Variants in ONECUT2 observed in about 807,000 individuals in gnomAD.
ONECUT2 encodes the protein one cut domain family member 2.
A neutral mutation model predicts 27.9 loss-of-function variants in ONECUT2; 10 were observed. The ratio of observed to expected loss-of-function variants is 0.36; its 90% CI spans 0.22 to 0.61. The LOEUF is 0.61. Ranked by LOEUF, ONECUT2 falls within the 20% of genes least tolerant of loss-of-function variation. The probability of loss-of-function intolerance (pLI) is 0.73; values close to 1 mark genes in which losing one functional copy is unlikely to be tolerated. For missense variants in ONECUT2, 686 were observed against 721.0 expected (o/e 0.95, Z 0.56); for synonymous variants, 334 against 315.1 (o/e 1.06, Z -0.64).
intron 1 of ONECUT2, among the ~76,000 whole-genome samples, chr18:57,451,183 TA>T (rs2050228252): frequency 6.6e-6 from 1 of 152,276 alleles, no homozygotes; most frequent in Non-Finnish European, 1.5e-5. Context: ...ACGTTCATAT[TA>T]CATGAGTAAC....
chr18:57,474,113 GA>G (rs1468621000), intron 1 of ONECUT2, among the ~76,000 whole-genome samples: 5 of 152,174 alleles, frequency 3.3e-5, no homozygotes, highest in African/African-American at 1.2e-4. Flanking sequence ...AATACTTTTA[GA>G]AATGAGAGAA....
intron 1 of ONECUT2, among the ~76,000 whole-genome samples, chr18:57,441,897 A>C (rs938581194): frequency 2.6e-5 from 4 of 152,210 alleles, no homozygotes; most frequent in African/African-American, 9.6e-5. Flanking sequence ...CGGGTCTAAC[A>C]GGGAGAATCT....
chr18:57,463,721 T>C (rs1192182536), intron 1 of ONECUT2, among the ~76,000 whole-genome samples: 2 of 152,220 alleles, frequency 1.3e-5, no homozygotes, highest in African/African-American at 2.4e-5. Context: ...CTTGATGTTT[T>C]GATCCTATTG....
intron 1 of ONECUT2, among the ~76,000 whole-genome samples, chr18:57,474,220 C>T (rs2050369416): frequency 1.3e-5 from 2 of 152,196 alleles, no homozygotes; most frequent in Admixed American, 1.3e-4. Context: ...AGTATCAGTG[C>T]ATTTTGATTA....
chr18:57,461,791 TGTGG>T (rs2050293437), intron 1 of ONECUT2, among the ~76,000 whole-genome samples: 4 of 152,228 alleles, frequency 2.6e-5, no homozygotes, highest in Middle Eastern at 3.2e-3. Context: ...CTGCACTGCA[TGTGG>T]GCAGGGCAGG....
chr18:57,440,790 C>T (rs938566173), intron 1 of ONECUT2, among the ~76,000 whole-genome samples: 2 of 152,212 alleles, frequency 1.3e-5, no homozygotes, highest in African/African-American at 4.8e-5. Flanking sequence ...CAGAGTCTCG[C>T]GCCCACCCCC....
rs1189959500 is a variant in ONECUT2, at chr18:57,490,985, G to T, written c.*14262G>T. ...CCAGATATTGCCCCATCTCAAACAT[G>T]TTAAGTCAGACTGTGCTGAAAGACT... On this transcript the variant is annotated 3_prime_UTR_variant, in exon 2 of 2. Coordinates refer to ENST00000491143, the MANE Select transcript of ONECUT2 (RefSeq NM_004852.3). 3 of 152,606 alleles carry T rather than the reference G, an allele frequency of 2.0e-5. No individual in the cohort carries two copies. The highest frequency in any genetic ancestry group is 4.4e-5 in the Non-Finnish European group (3 of 68,054). The allele number at this position is 152,606 out of a possible 1,614,324, so 9.5% of individuals were successfully genotyped here.
At chr18:57,459,880 CT>C (rs1415638348) in intron 1 of ONECUT2, among the ~76,000 whole-genome samples, 1 of 150,374 alleles carries the variant, frequency 6.7e-6, no homozygotes, top group Non-Finnish European at 1.5e-5. Context: ...TTTTGTTGCT[CT>C]TCCTTTACTT....
chr18:57,462,564 A>G lies in ONECUT2; in HGVS notation c.1229-13873A>G, dbSNP rs1303714216. Among the ~76,000 whole-genome samples, 5 of 150,880 alleles carry G rather than the reference A, an allele frequency of 3.3e-5. No homozygotes were observed. In the East Asian group the frequency reaches 5.9e-4, roughly 18 times the overall value. On this transcript the variant is annotated intron_variant, in intron 1 of 1. Coordinates refer to ENST00000491143, the MANE Select transcript of ONECUT2 (RefSeq NM_004852.3). The stretch of plus-strand genomic sequence containing the variant: ...CCACCACGCTGGCTAACTTCTTAAA[A>G]TTGTTTTTTGTAGAGACAGGGTCTC...
Position 57,476,651 on chromosome 18 carries a change from C to A in ONECUT2, c.1443C>A (p.Ser481Arg), listed in dbSNP as rs996265078. ...SNFFMNARRR[S>R]LEKWQDDLST... ...TCTTCATGAACGCCCGGCGCCGCAGCCTGGAGAAGTGGCAAGACGATCTGA... is the reference window on the plus strand; with the variant it reads ...TCTTCATGAACGCCCGGCGCCGCAGACTGGAGAAGTGGCAAGACGATCTGA... The change falls in exon 2 of 2, where the codon AGC becomes AGA. Residue 481 changes from serine (S) to arginine (R), a missense_variant. Ser to Arg is a moderately radical substitution (Grantham distance 110). Around this residue, in one of 4 missense-constraint regions of ONECUT2, gnomAD observed 77 missense variants for 105.5 expected, o/e 0.73. Transcript: ENST00000491143. 6.2e-7 allele frequency: 1 copy of A among 1,614,180 alleles called. No individual in the cohort carries two copies. The highest frequency in any genetic ancestry group is 8.5e-7 in the Non-Finnish European group (1 of 1,180,038).
intron 1 of ONECUT2, among the ~76,000 whole-genome samples, chr18:57,447,309 C>T (rs1304516884): frequency 6.6e-6 from 1 of 152,144 alleles, no homozygotes; most frequent in Non-Finnish European, 1.5e-5. Flanking sequence ...CATGGAGGAA[C>T]GCTGTTTGAG....
Position 57,436,221 on chromosome 18 carries a change from C to T in ONECUT2, c.505C>T (p.His169Tyr), listed in dbSNP as rs374789705. ...CTCCACCGTGTCTGACAAGTTCCAC[C>T]ACCCTCACCCGCACCACCATCCGCA... ...PISTVSDKFH[H>Y]PHPHHHPHHH... Residue 169 changes from histidine (H) to tyrosine (Y), a missense_variant, in exon 1 of 2, where the codon CAC (histidine) becomes TAC (tyrosine). This residue lies in a region of ONECUT2 where 511 missense variants were observed against 488.1 expected (regional missense o/e 1.05). Coordinates refer to ENST00000491143, the MANE Select transcript of ONECUT2 (RefSeq NM_004852.3). The surrounding 1 kb of genome is among the most constrained non-coding windows in gnomAD (Gnocchi z 5.9). 1.1e-4 allele frequency: 177 copies of T among 1,604,102 alleles called. No homozygotes were observed. Among genetic ancestry groups the T allele is most frequent in the Non-Finnish European group, 1.5e-4 (174 of 1,177,608 alleles).
Position 57,436,385 on chromosome 18 carries a change from C to G in ONECUT2, c.669C>G (p.Ser223Arg). Residue 223 changes from serine (S) to arginine (R), a missense_variant, in exon 1 of 2, where the codon AGC becomes AGG. Coordinates refer to ENST00000491143, the MANE Select transcript of ONECUT2 (RefSeq NM_004852.3). This position sits in a 1 kb window ranked among gnomAD's most constrained non-coding sequence, Gnocchi z 5.9. ...PYKEMPGMSQ[S>R]LSPLAATPLG... The stretch of plus-strand genomic sequence containing the variant: ...AGGAGATGCCCGGCATGAGCCAGAG[C>G]CTGTCCCCGCTGGCCGCCACGCCGC... 6.2e-7 allele frequency: 1 copy of G among 1,609,280 alleles called. No homozygotes were observed. Among genetic ancestry groups the G allele is most frequent in the Non-Finnish European group, 8.5e-7 (1 of 1,179,826 alleles).
In ONECUT2 at chr18:57,478,003, A is replaced by C. The variant is rs2050394201; in HGVS notation, c.*1280A>C. 1 of 152,672 alleles carries C rather than the reference A, an allele frequency of 6.5e-6. No individual in the cohort carries two copies. Among genetic ancestry groups the C allele is most frequent in the South Asian group, 2.1e-4 (1 of 4,828 alleles). 9.5% of individuals were successfully genotyped at this position (152,672 alleles called of 1,614,324 possible). On this transcript the variant is annotated 3_prime_UTR_variant, in exon 2 of 2. Transcript: ENST00000491143. ...CTGGAGAAAACACAGCACACCAAAG[A>C]AGCAGAATACTGCAAACCAAAGACA...
intron 1 of ONECUT2, among the ~76,000 whole-genome samples, chr18:57,437,723 T>C (rs1202906927): frequency 6.6e-6 from 1 of 152,146 alleles, no homozygotes; most frequent in Non-Finnish European, 1.5e-5. Flanking sequence ...GAGACTGAGG[T>C]GGAAAGCGCT....
chr18:57,435,749 C>A lies in ONECUT2; in HGVS notation c.33C>A (p.Leu11=). The A allele has an allele frequency of 7.9e-7, 1 of 1,269,550 alleles. No individual in the cohort carries two copies. Among genetic ancestry groups the A allele is most frequent in the South Asian group, 1.3e-5 (1 of 75,382 alleles). The allele number at this position is 1,269,550 out of a possible 1,614,324, so 78.6% of individuals were successfully genotyped here. A position where few individuals can be genotyped will look rare whatever the true frequency, so the allele number is the denominator to read the frequency against. Reference sequence around the variant, plus strand: ...CTGCCTACACCGCCTATCGATGCCTCACCAAAGACCTAGAAGGCTGCGCCA... The same window carrying A: ...CTGCCTACACCGCCTATCGATGCCTAACCAAAGACCTAGAAGGCTGCGCCA... MKAAYTAYRC[L]TKDLEGCAMN... Residue 11 remains leucine (L), a synonymous_variant, in exon 1 of 2, where the codon CTC becomes CTA. Transcript: ENST00000491143.
At chr18:57,440,125 A>G (rs1257457812) in intron 1 of ONECUT2, among the ~76,000 whole-genome samples, 1 of 152,226 alleles carries the variant, frequency 6.6e-6, no homozygotes, top group Non-Finnish European at 1.5e-5. Flanking sequence ...TTCGTTCGGA[A>G]AGGGCGGCTA....
intron 1 of ONECUT2, among the ~76,000 whole-genome samples, chr18:57,462,239 T>C (rs184738309): frequency 2.0e-3 from 305 of 152,384 alleles, no homozygotes; most frequent in Middle Eastern, 0.01. Flanking sequence ...GTCTCTTGCC[T>C]GTTTTTCTAT....
intron 1 of ONECUT2, among the ~76,000 whole-genome samples, chr18:57,464,430 T>G (rs1487764645): frequency 6.6e-6 from 1 of 152,216 alleles, no homozygotes; most frequent in African/African-American, 2.4e-5. Context: ...TTGAAACATT[T>G]CTTTCTAGTA....
Sources: gnomAD v4.1 joint callset for allele counts (sites outside exome capture counted in the v4.1 genomes callset) on GRCh38, gnomAD v4.1.1 for gene constraint, gnomAD v4.1.1 regional missense constraint, Gnocchi (gnomAD v3.1) non-coding constraint, MANE v1.5 for transcripts, NCBI Gene and HGNC (gene_info 2026-07-23, HGNC 2026-07-21) for gene names.